IL1RL1: variants seen among roughly 807,000 people sequenced by gnomAD.
IL1RL1 encodes interleukin 1 receptor like 1, also known as interleukin-1 receptor-like 1.
Under a neutral mutation model 50.9 loss-of-function variants are expected in IL1RL1, and 32 were observed. That is an observed-to-expected ratio of 0.63 (90% CI 0.47 to 0.84). The LOEUF (loss-of-function observed/expected upper bound fraction) is 0.84, where lower values mean the gene tolerates loss of function less well. Ranked by LOEUF, IL1RL1 falls within the 40% of genes least tolerant of loss-of-function variation. The pLI, the probability that IL1RL1 is intolerant of heterozygous loss-of-function variation, is 0.00. For missense variants in IL1RL1, 773 were observed against 662.9 expected, an observed-to-expected ratio of 1.17 and a Z score of -1.82; for synonymous variants, 275 against 236.0, an observed-to-expected ratio of 1.17 and a Z score of -1.51.
At chr2:102,316,679 C>G (rs193144723) in intron 1 of IL1RL1, among the ~76,000 whole-genome samples, 2 of 152,102 alleles carry the variant, frequency 1.3e-5, no homozygotes, top group African/African-American at 4.8e-5. Context: ...TAAAAATTAC[C>G]TAGAATTACC....
At chr2:102,323,248 TA>T (rs35389006) in intron 1 of IL1RL1, among the ~76,000 whole-genome samples, 8 of 113,542 alleles carry the variant, frequency 7.0e-5, no homozygotes, top group African/African-American at 2.9e-4. Context: ...TGTTAGGTTT[TA>T]TATATATATA....
intron 1 of IL1RL1, among the ~76,000 whole-genome samples, chr2:102,318,307 G>C (rs1476203048): frequency 1.3e-5 from 2 of 152,126 alleles, no homozygotes; most frequent in African/African-American, 4.8e-5. Flanking sequence ...TTGGAAAGTA[G>C]GTTCACTGGG....
Position 102,341,227 on chromosome 2 carries a change from T to G in IL1RL1, c.610+399T>G. ...TTCTGCAAATTAAAAAAGAGCTTAATCTTTAGTAATACTCATTGGATTCAA... is the reference window on the plus strand; with the variant it reads ...TTCTGCAAATTAAAAAAGAGCTTAAGCTTTAGTAATACTCATTGGATTCAA... On this transcript the variant is annotated intron_variant, in intron 5 of 10. Transcript: ENST00000233954. 2.5e-6 allele frequency: 3 copies of G among 1,193,670 alleles called. No homozygotes were observed. The African/African-American group carries it at 5.0e-5, about 20-fold the overall frequency. The allele number at this position is 1,193,670 out of a possible 1,614,324, so 73.9% of individuals were successfully genotyped here. A position where few individuals can be genotyped will look rare whatever the true frequency, so the allele number is the denominator to read the frequency against.
intron 1 of IL1RL1, among the ~76,000 whole-genome samples, chr2:102,311,968 A>AATATATAATAT (rs1363172238): frequency 7.2e-5 from 2 of 27,660 alleles, no homozygotes; most frequent in East Asian, 1.8e-3. Context: ...TATTATATAT[A>AATATATAATAT]ATATTATATA....
intron 8 of IL1RL1, chr2:102,343,732 G>A (rs952441879): frequency 9.5e-6 from 12 of 1,257,602 alleles, no homozygotes; most frequent in Non-Finnish European, 1.1e-5. Context: ...TATGTGAAAG[G>A]AAATGCACCA....
At chr2:102,339,961 T>C in intron 3 of IL1RL1, 137 bp from the exon 4 acceptor site, 1 of 463,564 alleles carries the variant, frequency 2.2e-6, no homozygotes, top group East Asian at 3.6e-5. Flanking sequence ...TTAATGTTTA[T>C]TTTTAAATAA....
At chr2:102,314,048 G>A (rs1426562988) in intron 1 of IL1RL1, among the ~76,000 whole-genome samples, 1 of 152,220 alleles carries the variant, frequency 6.6e-6, no homozygotes. Flanking sequence ...GAGAAATGGG[G>A]TGATGACAGA....
In IL1RL1 at chr2:102,345,788, C is replaced by T. The variant is rs1402079789; in HGVS notation, c.971-2157C>T. ...GTGTCTGCCAGTGATAAGTGTGGCA[C>T]CCCAGGAAGGCTGTGGACCCCATCA... On this transcript the variant is annotated intron_variant, in intron 8 of 10. Coordinates refer to ENST00000233954, the MANE Select transcript of IL1RL1 (RefSeq NM_016232.5). The T allele has an allele frequency of 1.4e-5, 14 of 985,282 alleles. No individual in the cohort carries two copies. The East Asian group carries it at 1.0e-3, about 72-fold the overall frequency. The allele number at this position is 985,282 out of a possible 1,614,324, so 61.0% of individuals were successfully genotyped here. A position where few individuals can be genotyped will look rare whatever the true frequency, so the allele number is the denominator to read the frequency against.
chr2:102,344,968 T>C (rs1323706731), intron 8 of IL1RL1: 11 of 948,824 alleles, frequency 1.2e-5, no homozygotes, highest in Middle Eastern at 5.4e-4. Context: ...TTTATTGGGT[T>C]AATTTCAGAC....
At chr2:102,341,148 T>C (rs2104988453) in intron 5 of IL1RL1, 3 of 1,081,586 alleles carry the variant, frequency 2.8e-6, no homozygotes, top group Middle Eastern at 4.2e-4. Flanking sequence ...GCAATACAAC[T>C]ATTTGGAGAG....
chr2:102,314,416 T>A (rs1306508067), intron 1 of IL1RL1, among the ~76,000 whole-genome samples: 1 of 152,110 alleles, frequency 6.6e-6, no homozygotes, highest in Non-Finnish European at 1.5e-5. Flanking sequence ...GAGCCCTGGG[T>A]AGAAAGGGAT....
intron 1 of IL1RL1, among the ~76,000 whole-genome samples, chr2:102,315,734 T>C (rs765203794): frequency 3.9e-5 from 6 of 152,176 alleles, no homozygotes; most frequent in African/African-American, 1.2e-4. Flanking sequence ...ACACACCAAC[T>C]CTCAAGACAC....
At chr2:102,334,324 G>A (rs1677251376) in intron 1 of IL1RL1, among the ~76,000 whole-genome samples, 1 of 152,120 alleles carries the variant, frequency 6.6e-6, no homozygotes, top group Admixed American at 6.6e-5. Context: ...GAAGCAAGAA[G>A]GAGTTTGGAG....
intron 1 of IL1RL1, among the ~76,000 whole-genome samples, chr2:102,330,472 C>A (rs1677146047): frequency 6.6e-6 from 1 of 151,836 alleles, no homozygotes; most frequent in Non-Finnish European, 1.5e-5. Context: ...CACATGTACC[C>A]TAAAACTTAA....
Position 102,351,944 on chromosome 2 carries a change from CATCT to C in IL1RL1, c.*24_*27del. On this transcript the variant is annotated 3_prime_UTR_variant, in exon 11 of 11. Coordinates refer to ENST00000233954, the MANE Select transcript of IL1RL1 (RefSeq NM_016232.5). ...TAGTGCCTGCTGTGATGTGCAAAGG[CATCT>C]GAGTTTGAAGCTTTCCTGACTTCTC... 2 of 1,578,214 alleles carry C rather than the reference CATCT, an allele frequency of 1.3e-6. No individual in the cohort carries two copies. Among genetic ancestry groups the C allele is most frequent in the African/African-American group, 2.7e-5 (2 of 73,706 alleles).
chr2:102,338,069 T>C, intron 1 of IL1RL1, 47 bp from the exon 2 acceptor site: 1 of 398,372 alleles, frequency 2.5e-6, no homozygotes, highest in South Asian at 6.9e-5. Flanking sequence ...GTAAAAATCA[T>C]GGCTGATAAA....
chr2:102,337,288 C>T (rs1222544755), intron 1 of IL1RL1: 3 of 152,250 alleles, frequency 2.0e-5, no homozygotes, highest in Non-Finnish European at 4.4e-5. Context: ...GGAAACTATT[C>T]TTAGCTCCGT....
intron 1 of IL1RL1, among the ~76,000 whole-genome samples, chr2:102,336,909 G>A (rs1192643242): frequency 6.6e-6 from 1 of 152,160 alleles, no homozygotes; most frequent in Non-Finnish European, 1.5e-5. Flanking sequence ...CCTGAGTGGT[G>A]TCTGCCAAAT....
chr2:102,322,430 C>G (rs1203008456), intron 1 of IL1RL1, among the ~76,000 whole-genome samples: 1 of 152,154 alleles, frequency 6.6e-6, no homozygotes, highest in Non-Finnish European at 1.5e-5. Flanking sequence ...ATTCACAGGA[C>G]AACTTGTTCT....
Sources: gnomAD v4.1 joint callset for allele counts (sites outside exome capture counted in the v4.1 genomes callset) on GRCh38, gnomAD v4.1.1 for gene constraint, MANE v1.5 for transcripts, NCBI Gene and HGNC (gene_info 2026-07-23, HGNC 2026-07-21) for gene names.